GFRAL: variants seen among roughly 807,000 people sequenced by gnomAD.
The protein encoded by GFRAL is GDNF family receptor alpha-like.
GFRAL carries 36 observed loss-of-function variants against 45.4 expected under a neutral mutation model. The observed-to-expected ratio is 0.79, with a 90% CI of 0.61 to 1.05. GFRAL has a LOEUF of 1.05. Ranked by LOEUF, GFRAL falls within the 50% of genes least tolerant of loss-of-function variation. GFRAL has a pLI of 0.00. For missense variants in GFRAL, 507 were observed against 467.5 expected, an observed-to-expected ratio of 1.08 and a Z score of -0.78; for synonymous variants, 166 against 154.1, an observed-to-expected ratio of 1.08 and a Z score of -0.57.
intron 6 of GFRAL, among the ~76,000 whole-genome samples, chr6:55,397,246 C>T (rs942350614): frequency 3.6e-5 from 5 of 139,278 alleles, no homozygotes; most frequent in African/African-American, 1.4e-4. Flanking sequence ...CGGCCGGGCG[C>T]GGTGGCTCAC....
At chr6:55,347,873 A>G (rs955297153) in intron 3 of GFRAL, among the ~76,000 whole-genome samples, 1 of 152,160 alleles carries the variant, frequency 6.6e-6, no homozygotes, top group Non-Finnish European at 1.5e-5. Context: ...CTAAAAAAGA[A>G]ATCTCTGTTG....
At chr6:55,350,631 T>G (rs1562052730) in intron 4 of GFRAL, among the ~76,000 whole-genome samples, 2 of 151,980 alleles carry the variant, frequency 1.3e-5, no homozygotes, top group East Asian at 3.9e-4. Context: ...AGCCCAGGAG[T>G]TGGAGGTTGC....
chr6:55,361,335 T>C (rs542749944), intron 6 of GFRAL, among the ~76,000 whole-genome samples: 1 of 152,080 alleles, frequency 6.6e-6, no homozygotes, highest in East Asian at 1.9e-4. Flanking sequence ...TTTGTTCATG[T>C]TCAAGTCCCT....
intron 2 of GFRAL, among the ~76,000 whole-genome samples, chr6:55,333,094 T>C (rs186196506): frequency 6.6e-6 from 1 of 152,248 alleles, no homozygotes; most frequent in East Asian, 1.9e-4. Context: ...CTTATTTAAT[T>C]TCAGTATACA....
rs2127355291 is a variant in GFRAL at position 55,351,373 on chromosome 6, T to C, written c.491T>C (p.Leu164Pro). The C allele has an allele frequency of 6.2e-7, 1 of 1,613,666 alleles. No individual in the cohort carries two copies. The highest frequency in any genetic ancestry group is 2.2e-5 in the East Asian group (1 of 44,850). The change falls in exon 5 of 9, where the codon CTG becomes CCG. Residue 164 changes from leucine to proline, a missense_variant. Leu to Pro is a moderately conservative substitution (Grantham distance 98). Coordinates refer to ENST00000340465, the MANE Select transcript of GFRAL (RefSeq NM_207410.2). ...ACSANGNPCD[L>P]KQCQAAIRFF... Reference sequence around the variant, plus strand: ...TCAGCAAATGGAAATCCGTGTGATCTGAAACAGTGCCAAGCAGCCATACGG... The same window carrying C: ...TCAGCAAATGGAAATCCGTGTGATCCGAAACAGTGCCAAGCAGCCATACGG...
chr6:55,384,004 G>A (rs1303121521), intron 6 of GFRAL, among the ~76,000 whole-genome samples: 1 of 151,960 alleles, frequency 6.6e-6, no homozygotes, highest in Non-Finnish European at 1.5e-5. Context: ...ATACCATCCC[G>A]ATGTTTTCGA....
At position 55,327,505 on chromosome 6, in the gene GFRAL, A is replaced by G. The variant is rs780032592; in HGVS notation, c.-50A>G. On this transcript the variant is annotated 5_prime_UTR_variant, in exon 1 of 9. Transcript: ENST00000340465. ...AGTTACTCTTAAGAAAGTTGTCAGA[A>G]GAAACGCATCTGCCTTTTTTTCCAG... The G allele has an allele frequency of 1.9e-6, 3 of 1,607,842 alleles. No individual in the cohort carries two copies. Among genetic ancestry groups the G allele is most frequent in the Non-Finnish European group, 2.6e-6 (3 of 1,175,274 alleles).
intron 6 of GFRAL, among the ~76,000 whole-genome samples, chr6:55,394,577 C>T (rs997284431): frequency 3.9e-5 from 6 of 152,086 alleles, no homozygotes; most frequent in African/African-American, 1.2e-4. Flanking sequence ...TATTTCAAGA[C>T]ATTTGGCTAT....
intron 3 of GFRAL, among the ~76,000 whole-genome samples, chr6:55,348,492 T>C (rs183330967): frequency 3.3e-5 from 5 of 152,114 alleles, no homozygotes; most frequent in Non-Finnish European, 7.3e-5. Flanking sequence ...GCAAAAATTG[T>C]ATTTTTCCCC....
At chr6:55,338,972 G>A (rs1162342041) in intron 3 of GFRAL, among the ~76,000 whole-genome samples, 1 of 152,210 alleles carries the variant, frequency 6.6e-6, no homozygotes, top group Non-Finnish European at 1.5e-5. Flanking sequence ...TAGAGAGGAT[G>A]GAATGGGAGG....
Position 55,381,824 on chromosome 6 carries a change from CCT to C in GFRAL, c.953-17343_953-17342del, listed in dbSNP as rs926014320. ...GAAAGACATTTCCCCTGCAAAAACT[CCT>C]CTCTCTCTCTCTTTCTTTCCCTGTC... is the stretch of plus-strand genomic sequence containing the variant. On this transcript the variant is annotated intron_variant, in intron 6 of 8. Transcript: ENST00000340465. Among the ~76,000 whole-genome samples the C allele has an allele frequency of 7.3e-5, 11 of 151,162 alleles. No homozygotes were observed. The East Asian group carries it at 9.7e-4, about 13-fold the overall frequency.
intron 5 of GFRAL, among the ~76,000 whole-genome samples, chr6:55,356,919 CT>C (rs1254587235): frequency 6.6e-6 from 1 of 151,690 alleles, no homozygotes; most frequent in Non-Finnish European, 1.5e-5. Context: ...TAATACACCT[CT>C]AAATTTTACT....
Position 55,401,774 on chromosome 6 carries a change from C to G in GFRAL, c.1122-16C>G. On this transcript the variant is annotated splice_polypyrimidine_tract_variant and intron_variant, in intron 8 of 8. Coordinates refer to ENST00000340465, the MANE Select transcript of GFRAL (RefSeq NM_207410.2). ...TAAAATGGCATGTTGTTAACTTTTA[C>G]TTTTATTTTATACAGAACTTCCAGA... 7.1e-7 allele frequency: 1 copy of G among 1,406,184 alleles called. No homozygotes were observed. 87.1% of individuals were successfully genotyped at this position (1,406,184 alleles called of 1,614,324 possible).
chr6:55,369,048 C>T (rs1421379462), intron 6 of GFRAL, among the ~76,000 whole-genome samples: 1 of 151,370 alleles, frequency 6.6e-6, no homozygotes, highest in African/African-American at 2.4e-5. Flanking sequence ...AGCCTGGCTG[C>T]TGCCTTGCAG....
intron 3 of GFRAL, among the ~76,000 whole-genome samples, chr6:55,335,953 A>G (rs1255657311): frequency 7.4e-6 from 1 of 134,644 alleles, no homozygotes; most frequent in Non-Finnish European, 1.6e-5. Context: ...GTGTTGCTGT[A>G]GTTGTTTTTG....
chr6:55,357,898 A>G (rs9370414), intron 5 of GFRAL, among the ~76,000 whole-genome samples: 41,607 of 151,540 alleles, frequency 0.27, 6,716 homozygotes, highest in East Asian at 0.37. Flanking sequence ...GACAATCAAT[A>G]CTTCCAAAAC....
intron 6 of GFRAL, 52 bp downstream of exon 6, chr6:55,359,190 T>C (rs368366575): frequency 8.9e-7 from 1 of 1,121,656 alleles, no homozygotes; most frequent in Non-Finnish European, 1.3e-6. Context: ...ATCTATCATC[T>C]ATCTATCTAT....
chr6:55,389,628 A>G (rs923825364), intron 6 of GFRAL, among the ~76,000 whole-genome samples: 5 of 152,184 alleles, frequency 3.3e-5, no homozygotes, highest in Non-Finnish European at 7.4e-5. Flanking sequence ...AAAAAGAAGG[A>G]AAAACAAAAG....
intron 6 of GFRAL, among the ~76,000 whole-genome samples, chr6:55,392,419 A>T (rs1768765443): frequency 6.6e-6 from 1 of 152,228 alleles, no homozygotes; most frequent in Admixed American, 6.5e-5. Flanking sequence ...TCACATTGTT[A>T]TGTGGACATT....
Sources: allele counts gnomAD v4.1 joint callset (sites outside exome capture counted in the v4.1 genomes callset), GRCh38; gene constraint gnomAD v4.1.1; transcripts MANE v1.5; gene names NCBI Gene and HGNC (gene_info 2026-07-23, HGNC 2026-07-21).